The following TRAPPC9 variants were observed in gnomAD, a reference collection of about 807,000 sequenced individuals.
The protein encoded by TRAPPC9 is IKK2 binding protein.
TRAPPC9 carries 83 observed loss-of-function variants against 124.0 expected under a neutral mutation model. The ratio of observed to expected loss-of-function variants is 0.67; its 90% confidence interval spans 0.56 to 0.80. The LOEUF (loss-of-function observed/expected upper bound fraction) is 0.80, where lower values mean the gene tolerates loss of function less well. TRAPPC9 is among the 30% of genes least tolerant of loss of function. TRAPPC9 has a pLI of 0.00. For missense variants in TRAPPC9, 1,302 were observed against 1,508.3 expected (o/e 0.86, Z 2.27); for synonymous variants, 638 against 617.5 (o/e 1.03, Z -0.49).
chr8:140,254,701 C>G (rs763246879), intron 15 of TRAPPC9, among the ~76,000 whole-genome samples: 1 of 152,198 alleles, frequency 6.6e-6, no homozygotes, highest in Non-Finnish European at 1.5e-5. Flanking sequence ...TCCCACTATC[C>G]CCTTTCTGGG....
At chr8:140,291,576 C>A (rs1404992769) in intron 11 of TRAPPC9, among the ~76,000 whole-genome samples, 1 of 152,244 alleles carries the variant, frequency 6.6e-6, no homozygotes, top group African/African-American at 2.4e-5. Flanking sequence ...AAACCCCCAG[C>A]CTTGGTGTGC....
At chr8:139,973,043 G>T (rs956545647) in intron 19 of TRAPPC9, among the ~76,000 whole-genome samples, 6 of 152,196 alleles carry the variant, frequency 3.9e-5, no homozygotes, top group African/African-American at 1.2e-4. Context: ...GGAAGAAATG[G>T]CTTCAACAAC....
At chr8:140,154,681 C>A (rs1335068813) in intron 17 of TRAPPC9, among the ~76,000 whole-genome samples, 1 of 152,184 alleles carries the variant, frequency 6.6e-6, no homozygotes, top group Non-Finnish European at 1.5e-5. Flanking sequence ...GTCTTACACC[C>A]TTGTCTAGGC....
intron 21 of TRAPPC9, among the ~76,000 whole-genome samples, chr8:139,733,165 G>T (rs540229555): frequency 5.3e-5 from 8 of 152,316 alleles, no homozygotes; most frequent in African/African-American, 1.9e-4. Context: ...GGATTAGAGT[G>T]AGCCCTGTAG....
At chr8:140,220,833 T>C (rs2063323421) in intron 17 of TRAPPC9, among the ~76,000 whole-genome samples, 1 of 152,204 alleles carries the variant, frequency 6.6e-6, no homozygotes, top group Non-Finnish European at 1.5e-5. Context: ...CATTGCCGCC[T>C]GCAGCCCAGT....
chr8:139,800,982 T>A (rs1376888640), intron 21 of TRAPPC9, among the ~76,000 whole-genome samples: 2 of 129,680 alleles, frequency 1.5e-5, no homozygotes. Flanking sequence ...CTCCGGCATC[T>A]TCCCCCGCTC....
chr8:139,980,667 C>T (rs1012310786), intron 19 of TRAPPC9, among the ~76,000 whole-genome samples: 1 of 152,220 alleles, frequency 6.6e-6, no homozygotes, highest in Non-Finnish European at 1.5e-5. Flanking sequence ...GAGCACTCGG[C>T]GCACGGTGAG....
intron 21 of TRAPPC9, among the ~76,000 whole-genome samples, chr8:139,831,601 G>C (rs1825998525): frequency 1.3e-5 from 2 of 152,190 alleles, no homozygotes; most frequent in South Asian, 4.2e-4. Flanking sequence ...ACCCCGCTGG[G>C]TGCCCCACAG....
Position 139,742,529 on chromosome 8 carries a change from A to G in TRAPPC9, c.3056-10327T>C, listed in dbSNP as rs1161927735. ...CAAGCACAGCACAACACAACATGCAATCAGGGACCAGGCAAGTCAGGGGCC... is the reference window on the plus strand; with the variant it reads ...CAAGCACAGCACAACACAACATGCAGTCAGGGACCAGGCAAGTCAGGGGCC... On this transcript the variant is annotated intron_variant, in intron 21 of 22. Coordinates refer to ENST00000438773, the MANE Select transcript of TRAPPC9 (RefSeq NM_001160372.4). The surrounding 1 kb of genome is among the most constrained non-coding windows in gnomAD (Gnocchi z 4.7). Among the ~76,000 whole-genome samples the G allele has an allele frequency of 1.3e-5, 2 of 152,190 alleles. No individual in the cohort carries two copies. The highest frequency in any genetic ancestry group is 4.8e-5 in the African/African-American group (2 of 41,452).
intron 17 of TRAPPC9, among the ~76,000 whole-genome samples, chr8:140,166,835 C>T (rs2061846572): frequency 6.6e-6 from 1 of 152,208 alleles, no homozygotes; most frequent in African/African-American, 2.4e-5. Flanking sequence ...GCAGTTGCCA[C>T]ATCTGAAGCC....
chr8:140,124,581 G>A (rs2061047895), intron 17 of TRAPPC9, among the ~76,000 whole-genome samples: 1 of 152,170 alleles, frequency 6.6e-6, no homozygotes, highest in Admixed American at 6.5e-5. Flanking sequence ...GGGCATTACT[G>A]CATCTACCAT....
chr8:139,769,796 T>G (rs148502885), intron 21 of TRAPPC9, among the ~76,000 whole-genome samples: 1 of 152,372 alleles, frequency 6.6e-6, no homozygotes, highest in African/African-American at 2.4e-5. Flanking sequence ...CATGAATTAC[T>G]TTTATACTGA....
intron 9 of TRAPPC9, among the ~76,000 whole-genome samples, chr8:140,349,817 C>G (rs1422633705): frequency 2.6e-5 from 4 of 152,158 alleles, no homozygotes; most frequent in Admixed American, 1.3e-4. Flanking sequence ...GTGAAGAAGA[C>G]CTGATGAGGG....
Position 140,087,120 on chromosome 8 carries a change from A to G in TRAPPC9, c.2557-63041T>C, listed in dbSNP as rs1164363943. Among the ~76,000 whole-genome samples the G allele has an allele frequency of 1.3e-5, 2 of 152,162 alleles. No individual in the cohort carries two copies. The highest frequency in any genetic ancestry group is 2.9e-5 in the Non-Finnish European group (2 of 68,024). On this transcript the variant is annotated intron_variant, in intron 17 of 22. Transcript: ENST00000438773. The surrounding 1 kb of genome is among the most constrained non-coding windows in gnomAD (Gnocchi z 4.6). The stretch of plus-strand genomic sequence containing the variant: ...TTTCCAATCTCAAAGCCAGTGGTCA[A>G]CATCCTGGCCTTGTCTTCCTGACGT...
intron 2 of TRAPPC9, 29 bp from the exon 3 acceptor site, chr8:140,439,226 TTACTA>T: frequency 6.2e-7 from 1 of 1,612,666 alleles, no homozygotes; most frequent in Non-Finnish European, 8.5e-7. Context: ...TGTATCTTTA[TTACTA>T]TACAACTCCC....
At chr8:140,197,790 G>A (rs2062703833) in intron 17 of TRAPPC9, among the ~76,000 whole-genome samples, 1 of 152,182 alleles carries the variant, frequency 6.6e-6, no homozygotes, top group Non-Finnish European at 1.5e-5. Context: ...TGTCACGGGG[G>A]AGCCAGCACG....
chr8:140,448,105 C>A (rs1009402907), intron 2 of TRAPPC9, among the ~76,000 whole-genome samples: 1 of 148,256 alleles, frequency 6.7e-6, no homozygotes, highest in Admixed American at 6.8e-5. Flanking sequence ...GAGACTGCAC[C>A]ACCACACTCC....
intron 1 of TRAPPC9, among the ~76,000 whole-genome samples, chr8:140,454,442 C>T (rs920747311): frequency 2.0e-5 from 3 of 151,922 alleles, no homozygotes; most frequent in African/African-American, 7.3e-5. Context: ...AGTTGGAGAC[C>T]AGCCTGACCA....
At chr8:140,073,518 G>A (rs1041550351) in intron 17 of TRAPPC9, among the ~76,000 whole-genome samples, 8 of 152,204 alleles carry the variant, frequency 5.3e-5, no homozygotes, top group African/African-American at 1.9e-4. Flanking sequence ...CATCAGAACT[G>A]AGGACACCTC....
Sources: allele counts gnomAD v4.1 joint callset (sites outside exome capture counted in the v4.1 genomes callset), GRCh38; gene constraint gnomAD v4.1.1; non-coding constraint Gnocchi (gnomAD v3.1); transcripts MANE v1.5; gene names NCBI Gene and HGNC (gene_info 2026-07-23, HGNC 2026-07-21).